LSM2: variants seen among roughly 807,000 people sequenced by gnomAD.
The protein encoded by LSM2 is U6 snRNA-associated Sm-like protein LSm2.
Under a neutral mutation model 17.0 loss-of-function variants are expected in LSM2, and 12 were observed. The ratio of observed to expected loss-of-function variants is 0.70; its 90% CI spans 0.45 to 1.14. The LOEUF is 1.14. Ranked by LOEUF, LSM2 falls within the 50% of genes most tolerant of loss-of-function variation. The pLI is 0.00. For missense variants in LSM2, 62 were observed against 111.8 expected (o/e 0.55, Z 2.01); for synonymous variants, 42 against 44.5 (o/e 0.94, Z 0.22).
intron 2 of LSM2, among the ~76,000 whole-genome samples, chr6:31,799,188 A>G (rs1379434665): frequency 1.3e-5 from 2 of 152,182 alleles, no homozygotes; most frequent in African/African-American, 2.4e-5. Flanking sequence ...TGAGTTTAGA[A>G]CAAATGGGAA....
chr6:31,804,901 G>T (rs915830873), intron 2 of LSM2, among the ~76,000 whole-genome samples: 4 of 150,978 alleles, frequency 2.6e-5, no homozygotes, highest in Admixed American at 2.0e-4. Flanking sequence ...CAAGTAGCTG[G>T]AACTACAGGA....
chr6:31,806,961 G>A lies in LSM2; in HGVS notation c.-204C>T, dbSNP rs1304315221. 2 of 601,972 alleles carry A rather than the reference G, an allele frequency of 3.3e-6. No homozygotes were observed. The highest frequency in any genetic ancestry group is 5.6e-6 in the Non-Finnish European group (2 of 356,830). The allele number at this position is 601,972 out of a possible 1,614,324, so 37.3% of individuals were successfully genotyped here. On this transcript the variant is annotated 5_prime_UTR_variant, in exon 1 of 5. Coordinates refer to ENST00000375661, the MANE Select transcript of LSM2 (RefSeq NM_021177.5). ...GGGAGCGCAAGCTGGGTAGAGTAGA[G>A]GGGAGGAGGAAGCCGGGAAAGGGGC...
At chr6:31,798,411 A>C in intron 3 of LSM2, 66 bp downstream of exon 3, 1 of 1,588,762 alleles carries the variant, frequency 6.3e-7, no homozygotes, top group Non-Finnish European at 8.6e-7. Flanking sequence ...TGATGTAAGA[A>C]CCCAACCCTT....
chr6:31,806,588 C>A, intron 1 of LSM2, 167 bp downstream of exon 1: 1 of 917,692 alleles, frequency 1.1e-6, no homozygotes, highest in African/African-American at 1.7e-5. Context: ...AAAAAATATC[C>A]CATTTGTTCT....
At chr6:31,800,514 A>T (rs1039790944) in intron 2 of LSM2, among the ~76,000 whole-genome samples, 1 of 152,062 alleles carries the variant, frequency 6.6e-6, no homozygotes, top group Admixed American at 6.6e-5. Flanking sequence ...GAACTTTAGG[A>T]GGCCAAGGTG....
At chr6:31,798,881 C>T (rs908846656) in intron 2 of LSM2, among the ~76,000 whole-genome samples, 1 of 151,656 alleles carries the variant, frequency 6.6e-6, no homozygotes, top group African/African-American at 2.4e-5. Flanking sequence ...GGACTTCAGG[C>T]GCATGCCATC....
At chr6:31,804,384 A>G (rs183192644) in intron 2 of LSM2, among the ~76,000 whole-genome samples, 64 of 152,184 alleles carry the variant, frequency 4.2e-4, no homozygotes, top group African/African-American at 1.3e-3. Flanking sequence ...AGAAAGAAAA[A>G]AAGCTGGACA....
At chr6:31,802,488 G>A (rs146717832) in intron 2 of LSM2, among the ~76,000 whole-genome samples, 1,916 of 151,926 alleles carry the variant, frequency 0.013, 24 homozygotes, top group Non-Finnish European at 0.02. Context: ...CCAGCTACTC[G>A]GGAGGCTGAG....
rs1815054551 is a variant in LSM2 at position 31,806,657 on chromosome 6, C to A, written c.3+98G>T. On this transcript the variant is annotated intron_variant, in intron 1 of 4. Transcript: ENST00000375661. Reference sequence around the variant, plus strand: ...AGTACTAAAGATGAAGATAAAAACTCCGGACCTAACTCCAGCCTAGGGGTA... The same window carrying A: ...AGTACTAAAGATGAAGATAAAAACTACGGACCTAACTCCAGCCTAGGGGTA... 5.4e-6 allele frequency: 8 copies of A among 1,471,498 alleles called. No homozygotes were observed. In the Admixed American group the frequency reaches 1.6e-4, roughly 29 times the overall value. 91.2% of individuals were successfully genotyped at this position (1,471,498 alleles called of 1,614,324 possible).
rs139193891 is a variant in LSM2 at position 31,797,935 on chromosome 6, C to T, written c.163-53G>A. On this transcript the variant is annotated intron_variant, in intron 4 of 4. Coordinates refer to ENST00000375661, the MANE Select transcript of LSM2 (RefSeq NM_021177.5). ...CACCCTTAAAAATGTCCTCTAACCACCCAGGGGCCTCCTGCTTTAGAGGTG... is the reference window on the plus strand; with the variant it reads ...CACCCTTAAAAATGTCCTCTAACCATCCAGGGGCCTCCTGCTTTAGAGGTG... The T allele has an allele frequency of 6.6e-4, 1,056 of 1,612,194 alleles. 1 individual carries two copies. The highest frequency in any genetic ancestry group is 3.0e-3 in the Admixed American group (182 of 59,950).
chr6:31,803,687 T>A (rs1814846371), intron 2 of LSM2, among the ~76,000 whole-genome samples: 1 of 151,976 alleles, frequency 6.6e-6, no homozygotes, highest in African/African-American at 2.4e-5. Context: ...TTCATGTGAT[T>A]CTCCAGCCTC....
At chr6:31,806,488 G>A (rs1191278393) in intron 1 of LSM2, 33 of 612,870 alleles carry the variant, frequency 5.4e-5, no homozygotes, top group South Asian at 5.4e-4. Context: ...AAGCTTGCCT[G>A]GCAGAGAAGT....
chr6:31,803,585 T>G (rs1814838968), intron 2 of LSM2, among the ~76,000 whole-genome samples: 1 of 147,234 alleles, frequency 6.8e-6, no homozygotes, highest in Non-Finnish European at 1.5e-5. Flanking sequence ...TAAATGTACT[T>G]TTTTTTTTTT....
intron 2 of LSM2, among the ~76,000 whole-genome samples, chr6:31,800,534 C>T (rs973357687): frequency 6.6e-6 from 1 of 152,038 alleles, no homozygotes; most frequent in Non-Finnish European, 1.5e-5. Context: ...GGGCGGATCA[C>T]TTGAGGCCAG....
intron 1 of LSM2, 144 bp downstream of exon 1, chr6:31,806,611 A>G: frequency 8.9e-7 from 1 of 1,121,722 alleles, no homozygotes; most frequent in Non-Finnish European, 1.3e-6. Context: ...GTGCCTCCTC[A>G]ATGAACCTGA....
At chr6:31,798,412 C>T in intron 3 of LSM2, 65 bp downstream of exon 3, 2 of 1,592,204 alleles carry the variant, frequency 1.3e-6, no homozygotes, top group Non-Finnish European at 1.7e-6. Flanking sequence ...GATGTAAGAA[C>T]CCAACCCTTA....
At position 31,798,625 on chromosome 6, in the gene LSM2, G is replaced by A. The variant is rs550894287; in HGVS notation, c.72-118C>T. 861 of 1,124,480 alleles carry A rather than the reference G, an allele frequency of 7.7e-4. 1 individual carries two copies. Among genetic ancestry groups the A allele is most frequent in the Non-Finnish European group, 1.0e-3 (819 of 780,710 alleles). 69.7% of individuals were successfully genotyped at this position (1,124,480 alleles called of 1,614,324 possible). On this transcript the variant is annotated intron_variant, in intron 2 of 4. Coordinates refer to ENST00000375661, the MANE Select transcript of LSM2 (RefSeq NM_021177.5). ...AGAAGTCAAGGACTTGAGGATGTCA[G>A]AAAAGGTAGAACCAAAAGGGGGCAT... is the stretch of plus-strand genomic sequence containing the variant.
chr6:31,806,630 A>G, intron 1 of LSM2, 125 bp downstream of exon 1: 1 of 1,230,784 alleles, frequency 8.1e-7, no homozygotes, highest in Non-Finnish European at 1.2e-6. Flanking sequence ...GAGAAACAGT[A>G]CAGTACTAAA....
At chr6:31,805,305 C>A (rs1318729115) in intron 2 of LSM2, among the ~76,000 whole-genome samples, 1 of 151,972 alleles carries the variant, frequency 6.6e-6, no homozygotes, top group Non-Finnish European at 1.5e-5. Context: ...AGTGATCCTC[C>A]TGCCTCAGCC....
Sources: gnomAD v4.1 joint callset for allele counts (sites outside exome capture counted in the v4.1 genomes callset) on GRCh38, gnomAD v4.1.1 for gene constraint, MANE v1.5 for transcripts, NCBI Gene and HGNC (gene_info 2026-07-23, HGNC 2026-07-21) for gene names.